NMD3: variants seen among roughly 807,000 people sequenced by gnomAD.
NMD3 encodes the protein 60S ribosomal export protein NMD3.
Under a neutral mutation model 73.1 loss-of-function variants are expected in NMD3, and 47 were observed. That is an observed-to-expected ratio of 0.64 (90% CI 0.51 to 0.82). NMD3 has a LOEUF of 0.82. NMD3 is among the 40% of genes least tolerant of loss of function. NMD3 has a pLI of 0.00. For synonymous variants in NMD3, 210 were observed against 194.5 expected, an observed-to-expected ratio of 1.08 and a Z score of -0.66; for missense variants, 554 against 612.5, an observed-to-expected ratio of 0.90 and a Z score of 1.01.
At chr3:161,246,825 C>T (rs1175945019) in intron 12 of NMD3, among the ~76,000 whole-genome samples, 3 of 152,070 alleles carry the variant, frequency 2.0e-5, no homozygotes, top group African/African-American at 7.2e-5. Flanking sequence ...CTTGTAAAGG[C>T]ATAGATCAGT....
In NMD3 at chr3:161,234,874, G is replaced by T; in HGVS notation, c.486+19G>T. ...GCAAAAGGTAATGAGAGAAGATGAT[G>T]AGTGAGTCCTACATCTTATATTTCG... On this transcript the variant is annotated intron_variant, in intron 6 of 15. Transcript: ENST00000351193. The T allele has an allele frequency of 6.2e-7, 1 of 1,611,032 alleles. No homozygotes were observed. Among genetic ancestry groups the T allele is most frequent in the South Asian group, 1.1e-5 (1 of 90,864 alleles).
intron 11 of NMD3, among the ~76,000 whole-genome samples, chr3:161,243,968 T>C (rs994892983): frequency 1.3e-5 from 2 of 152,146 alleles, no homozygotes; most frequent in Admixed American, 1.3e-4. Flanking sequence ...CTTTAGCATC[T>C]GTTGATAATT....
At chr3:161,222,670 C>T (rs7634299) in intron 2 of NMD3, among the ~76,000 whole-genome samples, 7,664 of 151,790 alleles carry the variant, frequency 0.05, 504 homozygotes, top group African/African-American at 0.14. Flanking sequence ...AAACGATAAT[C>T]CTGGAATCGT....
intron 11 of NMD3, among the ~76,000 whole-genome samples, chr3:161,243,124 C>T (rs1392979323): frequency 6.6e-6 from 1 of 152,116 alleles, no homozygotes; most frequent in Non-Finnish European, 1.5e-5. Context: ...GGATACATTC[C>T]AAGACCCCCA....
chr3:161,250,145 A>G (rs182272854), intron 14 of NMD3, 111 bp from the exon 15 acceptor site: 420 of 603,020 alleles, frequency 7.0e-4, no homozygotes, highest in Admixed American at 1.4e-3. Flanking sequence ...GTTTCATGAA[A>G]TGTGAGTTGG....
At position 161,242,328 on chromosome 3, in the gene NMD3, C is replaced by T. The variant is rs542647388; in HGVS notation, c.872-180C>T. ...TGACATCTGATATATTTTTCTTGTG[C>T]TTTGAGAAGTTTGGGATTGGTTTAT... On this transcript the variant is annotated intron_variant, in intron 10 of 15. Transcript: ENST00000351193. Among the ~76,000 whole-genome samples, 4 of 152,196 alleles carry T rather than the reference C, an allele frequency of 2.6e-5. No individual in the cohort carries two copies. In the South Asian group the frequency reaches 8.3e-4, roughly 32 times the overall value.
Position 161,233,385 on chromosome 3 carries a change from G to C in NMD3, c.277-14G>C. 1.3e-6 allele frequency: 2 copies of C among 1,588,316 alleles called. No individual in the cohort carries two copies. The highest frequency in any genetic ancestry group is 1.7e-6 in the Non-Finnish European group (2 of 1,163,462). On this transcript the variant is annotated splice_polypyrimidine_tract_variant and intron_variant, in intron 4 of 15. Transcript: ENST00000351193. Reference sequence around the variant, plus strand: ...TGAGAACTTACGTTTCTTTTTGTTTGTGTTTTATTGAAGGTACGGCTTGTA... The same window carrying C: ...TGAGAACTTACGTTTCTTTTTGTTTCTGTTTTATTGAAGGTACGGCTTGTA...
chr3:161,247,497 A>T (rs929676764), intron 13 of NMD3, among the ~76,000 whole-genome samples, 167 bp downstream of exon 13: 4 of 150,826 alleles, frequency 2.7e-5, no homozygotes, highest in Non-Finnish European at 5.9e-5. Flanking sequence ...TTTTTTAAAG[A>T]AACAGGAGGC....
intron 11 of NMD3, among the ~76,000 whole-genome samples, chr3:161,245,719 T>G (rs1737173352): frequency 6.6e-6 from 1 of 152,064 alleles, no homozygotes; most frequent in Admixed American, 6.6e-5. Context: ...TTAATAGTTT[T>G]CTAGTTTAAA....
chr3:161,242,732 T>C (rs1259529941), intron 11 of NMD3, 79 bp downstream of exon 11: 4 of 1,423,564 alleles, frequency 2.8e-6, no homozygotes, highest in Non-Finnish European at 3.8e-6. Context: ...TAAAAAAAAT[T>C]TGTTGGTGTT....
At chr3:161,236,432 A>AAATTAATATG (rs1199175901) in intron 7 of NMD3, among the ~76,000 whole-genome samples, 2 of 152,108 alleles carry the variant, frequency 1.3e-5, no homozygotes, top group Non-Finnish European at 2.9e-5. Context: ...TTTGCTAATG[A>AAATTAATATG]CTAACGATGT....
At chr3:161,250,398 A>G (rs1737435378) in intron 15 of NMD3, 72 bp downstream of exon 15, 7 of 892,048 alleles carry the variant, frequency 7.8e-6, no homozygotes, top group Non-Finnish European at 1.2e-5. Context: ...ATATTTTGGT[A>G]TCTTAAGCTT....
rs775895795 is a variant in NMD3 at position 161,242,661 on chromosome 3, ACAT to A, written c.1017+10_1017+12del. Reference sequence around the variant, plus strand: ...GGAATGATATCAAAAAAGGTAAGCTACATCCTGCCTGCCAGTGTATTTTTTTTT... The same window carrying A: ...GGAATGATATCAAAAAAGGTAAGCTACCTGCCTGCCAGTGTATTTTTTTTT... On this transcript the variant is annotated intron_variant, in intron 11 of 15. Transcript: ENST00000351193. 1 of 1,606,056 alleles carries A rather than the reference ACAT, an allele frequency of 6.2e-7. No individual in the cohort carries two copies. Among genetic ancestry groups the A allele is most frequent in the African/African-American group, 1.3e-5 (1 of 74,848 alleles).
At chr3:161,242,370 C>A in intron 10 of NMD3, 138 bp from the exon 11 acceptor site, 1 of 682,514 alleles carries the variant, frequency 1.5e-6, no homozygotes, top group Non-Finnish European at 2.4e-6. Context: ...AATTGATGAC[C>A]CTAAGGAGTG....
intron 4 of NMD3, among the ~76,000 whole-genome samples, chr3:161,228,063 T>TA (rs60657876): frequency 0.13 from 19,527 of 151,950 alleles, 1,427 homozygotes; most frequent in East Asian, 0.24. Flanking sequence ...ATAAATGTAT[T>TA]AAAAAAAATA....
rs779122400 is a variant in NMD3, at chr3:161,242,557, A to G, written c.921A>G (p.Leu307=). The change falls in exon 11 of 16, where the codon TTA becomes TTG. Residue 307 remains leucine (L), a synonymous_variant. Transcript: ENST00000351193. ...TCTGGAGTCACCCTTTCAATAGTTT[A>G]TGTCATCCCAAACAGCTAGAGGAGT... ...STFWSHPFNS[L]CHPKQLEEFI... 3 of 1,613,730 alleles carry G rather than the reference A, an allele frequency of 1.9e-6. No individual in the cohort carries two copies. Among genetic ancestry groups the G allele is most frequent in the East Asian group, 2.2e-5 (1 of 44,862 alleles).
At position 161,234,938 on chromosome 3, in the gene NMD3, G is replaced by A. The variant is rs1002366890; in HGVS notation, c.486+83G>A. 43 of 1,389,462 alleles carry A rather than the reference G, an allele frequency of 3.1e-5. No homozygotes were observed. In the African/African-American group the frequency reaches 5.8e-4, roughly 19 times the overall value. 86.1% of individuals were successfully genotyped at this position (1,389,462 alleles called of 1,614,324 possible). A position where few individuals can be genotyped will look rare whatever the true frequency, so the allele number is the denominator to read the frequency against. On this transcript the variant is annotated intron_variant, in intron 6 of 15. Coordinates refer to ENST00000351193, the MANE Select transcript of NMD3 (RefSeq NM_015938.5). ...TAACTTTTCCTTCTTTCTAAATCCA[G>A]GGATAGTCTGGGTCCCTGAAGCATT...
At chr3:161,226,225 G>A (rs1213913229) in intron 3 of NMD3, among the ~76,000 whole-genome samples, 2 of 152,174 alleles carry the variant, frequency 1.3e-5, no homozygotes, top group East Asian at 1.9e-4. Flanking sequence ...AGGCTGAGGC[G>A]GGTGGATCAC....
intron 10 of NMD3, among the ~76,000 whole-genome samples, chr3:161,242,185 C>G (rs773224938): frequency 6.6e-6 from 1 of 152,048 alleles, no homozygotes; most frequent in African/African-American, 2.4e-5. Flanking sequence ...GTGACAGATA[C>G]GTTTCTAAAA....
Sources: allele counts gnomAD v4.1 joint callset (sites outside exome capture counted in the v4.1 genomes callset), GRCh38; gene constraint gnomAD v4.1.1; transcripts MANE v1.5; gene names NCBI Gene and HGNC (gene_info 2026-07-23, HGNC 2026-07-21).